VPS33A: variants seen among roughly 807,000 people sequenced by gnomAD.
VPS33A encodes VPS33A core subunit of CORVET and HOPS complexes.
Under a neutral mutation model 71.8 loss-of-function variants are expected in VPS33A, and 32 were observed. The observed-to-expected ratio is 0.45, with a 90% CI of 0.34 to 0.60. The LOEUF (loss-of-function observed/expected upper bound fraction) is 0.60. Among genes scored for constraint, VPS33A ranks in the 20% least tolerant of loss-of-function variants. The probability of loss-of-function intolerance (pLI) is 0.02; values close to 1 mark genes in which losing one functional copy is unlikely to be tolerated. For missense variants in VPS33A, 625 were observed against 748.5 expected, an observed-to-expected ratio of 0.84 and a Z score of 1.92; for synonymous variants, 311 against 292.7, an observed-to-expected ratio of 1.06 and a Z score of -0.64.
chr12:122,237,797 T>C (rs1258055124), intron 10 of VPS33A, among the ~76,000 whole-genome samples: 2 of 149,930 alleles, frequency 1.3e-5, no homozygotes, highest in African/African-American at 5.0e-5. Context: ...ACATAGTAAA[T>C]GCTCAAGAAA....
At chr12:122,237,775 A>G (rs190510156) in intron 10 of VPS33A, among the ~76,000 whole-genome samples, 140 of 146,646 alleles carry the variant, frequency 9.5e-4, no homozygotes, top group African/African-American at 3.4e-3. Flanking sequence ...AGTTTTTCCA[A>G]TAGATCCTAG....
chr12:122,266,431 C>G lies in VPS33A; in HGVS notation c.-23G>C, dbSNP rs777274388. ...CATCTTGCTCCACCACCCCCTGCCC[C>G]ACAACGCCAACCGAGTCCGCCGGTT... On this transcript the variant is annotated 5_prime_UTR_variant, in exon 1 of 13. Transcript: ENST00000267199. The G allele has an allele frequency of 6.2e-7, 1 of 1,601,168 alleles. No homozygotes were observed. The highest frequency in any genetic ancestry group is 8.5e-7 in the Non-Finnish European group (1 of 1,170,690).
chr12:122,261,611 G>A (rs745601751), intron 3 of VPS33A, among the ~76,000 whole-genome samples, 164 bp from the exon 4 acceptor site: 15 of 152,184 alleles, frequency 9.9e-5, no homozygotes, highest in Admixed American at 6.6e-5. Flanking sequence ...GCTCACACCT[G>A]TAATCTCAGC....
chr12:122,250,750 G>A (rs1260885179), intron 5 of VPS33A, among the ~76,000 whole-genome samples: 1 of 152,170 alleles, frequency 6.6e-6, no homozygotes, highest in Admixed American at 6.6e-5. Context: ...TGCCTCAGTT[G>A]GGAACATGCG....
Position 122,232,932 on chromosome 12 carries a change from C to A in VPS33A, c.1477G>T (p.Ala493Ser), listed in dbSNP as rs1040268771. The change falls in exon 12 of 13, where the codon GCC becomes TCC. Residue 493 changes from alanine to serine, a missense_variant. Physicochemically the swap from Ala to Ser is moderately conservative, Grantham distance 99 (BLOSUM62 1). Coordinates refer to ENST00000267199, the MANE Select transcript of VPS33A (RefSeq NM_022916.6). Reference protein sequence around the residue: ...TDISYVYSGYAPLSVRLAQLL... With the variant: ...TDISYVYSGYSPLSVRLAQLL... Reference sequence around the variant, plus strand: ...TGGGCCAGCCGCACACTGAGCGGGGCATACCCACTGTACACATACGATATG... The same window carrying A: ...TGGGCCAGCCGCACACTGAGCGGGGAATACCCACTGTACACATACGATATG... 9 of 1,613,768 alleles carry A rather than the reference C, an allele frequency of 5.6e-6. No homozygotes were observed. Among genetic ancestry groups the A allele is most frequent in the Middle Eastern group, 1.7e-4 (1 of 5,926 alleles).
Position 122,261,269 on chromosome 12 carries a change from C to T in VPS33A, c.475G>A (p.Ala159Thr). The T allele has an allele frequency of 2.5e-6, 4 of 1,597,730 alleles. No individual in the cohort carries two copies. Among genetic ancestry groups the T allele is most frequent in the Middle Eastern group, 1.7e-4 (1 of 6,018 alleles). Residue 159 changes from alanine (A) to threonine (T), a missense_variant, in exon 4 of 13, where the codon GCA becomes ACA. Ala to Thr is a moderately conservative substitution (Grantham distance 58). Transcript: ENST00000267199. ...GDLLSMESEG[A>T]FKECYLEGDQ... ...GGAAATGCCAAACTTACTTTGAATG[C>T]ACCCTCTGATTCCATGGATAAGAGA...
chr12:122,238,850 T>C (rs1275272940), intron 9 of VPS33A, 126 bp from the exon 10 acceptor site: 1 of 1,102,798 alleles, frequency 9.1e-7, no homozygotes, highest in Non-Finnish European at 1.3e-6. Context: ...TTATTATTTT[T>C]CAAAGTCCAA....
intron 4 of VPS33A, among the ~76,000 whole-genome samples, chr12:122,257,706 G>A (rs1954938972): frequency 6.6e-6 from 1 of 152,006 alleles, no homozygotes; most frequent in Admixed American, 6.6e-5. Context: ...TGTCTGCAGA[G>A]TGGAAGATTT....
chr12:122,265,768 T>C (rs1339339479), intron 1 of VPS33A: 1 of 448,670 alleles, frequency 2.2e-6, no homozygotes, highest in Non-Finnish European at 4.5e-6. Flanking sequence ...AAAGAAATCC[T>C]ATAAAATCTC....
Position 122,232,798 on chromosome 12 carries a change from AC to A in VPS33A, c.1609+1del, listed in dbSNP as rs1954580443. On this transcript the variant is annotated splice_donor_variant, in intron 12 of 12. Coordinates refer to ENST00000267199, the MANE Select transcript of VPS33A (RefSeq NM_022916.6). LOFTEE classifies it high-confidence loss of function. Reference sequence around the variant, plus strand: ...ATCTGTAGATGCTGGACTGGGACTTACGTTTCTTCTGCAGTCCTGTGGGCAG... The same window carrying A: ...ATCTGTAGATGCTGGACTGGGACTTAGTTTCTTCTGCAGTCCTGTGGGCAG... 1 of 1,610,088 alleles carries A rather than the reference AC, an allele frequency of 6.2e-7. No individual in the cohort carries two copies. Among genetic ancestry groups the A allele is most frequent in the Non-Finnish European group, 8.5e-7 (1 of 1,177,328 alleles).
intron 4 of VPS33A, among the ~76,000 whole-genome samples, chr12:122,255,056 A>G (rs77044964): frequency 2.0e-5 from 1 of 49,082 alleles, no homozygotes; most frequent in African/African-American, 2.1e-4. Context: ...GTTTCAAGGA[A>G]AAAAAAAAAA....
chr12:122,266,139 C>CG (rs1275595115), intron 1 of VPS33A, among the ~76,000 whole-genome samples, 168 bp downstream of exon 1: 1 of 152,106 alleles, frequency 6.6e-6, no homozygotes, highest in Non-Finnish European at 1.5e-5. Context: ...AGGGCCCCCC[C>CG]CTTCATCGCT....
intron 6 of VPS33A, 64 bp downstream of exon 6, chr12:122,249,804 CAGT>C: frequency 2.1e-6 from 3 of 1,434,888 alleles, no homozygotes; most frequent in Non-Finnish European, 2.8e-6. Flanking sequence ...AATATACAAA[CAGT>C]AGCCTCCACA....
chr12:122,261,404 C>G lies in VPS33A; in HGVS notation c.340G>C (p.Val114Leu), dbSNP rs147687101. ...GPTRDFHILF[V>L]PRRSLLCEQR... is the part of the protein sequence containing the mutation. ...TCGCACAACAGGCTACGGCGTGGCA[C>G]AAACAGAATATGAAAATCTCTCGTT... Residue 114 changes from valine to leucine, a missense_variant, in exon 4 of 13, where the codon GTG becomes CTG. Coordinates refer to ENST00000267199, the MANE Select transcript of VPS33A (RefSeq NM_022916.6). The G allele has an allele frequency of 2.0e-4, 317 of 1,613,744 alleles. 1 individual carries two copies. Among genetic ancestry groups the G allele is most frequent in the Middle Eastern group, 9.9e-4 (6 of 6,060 alleles).
rs1955074643 is a variant in VPS33A at position 122,266,463 on chromosome 12, G to T, written c.-55C>A. ...CCAACCGAGTCCGCCGGTTCCTACG[G>T]GAGGACCACGGACGCAGTCACGTGA... On this transcript the variant is annotated 5_prime_UTR_variant, in exon 1 of 13. Coordinates refer to ENST00000267199, the MANE Select transcript of VPS33A (RefSeq NM_022916.6). The T allele has an allele frequency of 1.3e-6, 2 of 1,577,484 alleles. No individual in the cohort carries two copies. Among genetic ancestry groups the T allele is most frequent in the Non-Finnish European group, 1.7e-6 (2 of 1,155,528 alleles).
rs748835258 is a variant in VPS33A at position 122,239,937 on chromosome 12, C to A, written c.1105G>T (p.Asp369Tyr). The change falls in exon 9 of 13, where the codon GAC becomes TAC. Residue 369 changes from aspartate (D) to tyrosine (Y), a missense_variant. Asp to Tyr is a radical substitution (Grantham distance 160). Transcript: ENST00000267199. Reference sequence around the variant, plus strand: ...TCCACGGTTAATTTATCAAAAAAGTCTTCAGAAGCTAAAATGAAATTAGCA... The same window carrying A: ...TCCACGGTTAATTTATCAAAAAAGTATTCAGAAGCTAAAATGAAATTAGCA... The part of the protein sequence containing the change: ...ELIKDVTTSE[D>Y]FFDKLTVEQE... The A allele has an allele frequency of 1.9e-6, 3 of 1,612,642 alleles. No individual in the cohort carries two copies. Among genetic ancestry groups the A allele is most frequent in the Non-Finnish European group, 8.5e-7 (1 of 1,179,336 alleles).
rs771988295 is a variant in VPS33A at position 122,242,413 on chromosome 12, G to T, written c.1065C>A (p.Thr355=). The part of the protein sequence containing the change: ...QAARGSLANH[T]SIAELIKDVT... ...CATCTTTGATCAATTCTGCAATTGAGGTATGGTTTGCAAGCGAGCCCCTTG... is the reference window on the plus strand; with the variant it reads ...CATCTTTGATCAATTCTGCAATTGATGTATGGTTTGCAAGCGAGCCCCTTG... Residue 355 remains threonine, a synonymous_variant, in exon 8 of 13, where the codon ACC becomes ACA. Transcript: ENST00000267199. The T allele has an allele frequency of 1.9e-6, 3 of 1,614,122 alleles. No individual in the cohort carries two copies. In the Admixed American group the frequency reaches 5.0e-5, roughly 27 times the overall value.
At chr12:122,232,739 C>G (rs1954579376) in intron 12 of VPS33A, 61 bp downstream of exon 12, 1 of 1,549,906 alleles carries the variant, frequency 6.5e-7, no homozygotes, top group African/African-American at 1.4e-5. Flanking sequence ...AGCAACTGTA[C>G]AATACCTGAA....
rs764130527 is a variant in VPS33A at position 122,232,836 on chromosome 12, C to T, written c.1573G>A (p.Glu525Lys). ...AGTCCTGTGGGCAGTGGCTGCCGCT[C>T]CTCAAAGTGGGGCCCTGGGAGGATG... The part of the protein sequence containing the change: ...LRILPGPHFE[E>K]RQPLPTGLQK... Residue 525 changes from glutamate (E) to lysine (K), a missense_variant, in exon 12 of 13, where the codon GAG (glutamate) becomes AAG (lysine). Coordinates refer to ENST00000267199, the MANE Select transcript of VPS33A (RefSeq NM_022916.6). The T allele has an allele frequency of 5.0e-6, 8 of 1,613,900 alleles. No homozygotes were observed. The highest frequency in any genetic ancestry group is 6.8e-6 in the Non-Finnish European group (8 of 1,179,888).
Sources: allele counts gnomAD v4.1 joint callset (sites outside exome capture counted in the v4.1 genomes callset), GRCh38; gene constraint gnomAD v4.1.1; transcripts MANE v1.5; gene names NCBI Gene and HGNC (gene_info 2026-07-23, HGNC 2026-07-21).